SLC6A5: variants seen among roughly 807,000 people sequenced by gnomAD.
The protein encoded by SLC6A5 is solute carrier family 6 member 5.
Under a neutral mutation model 90.5 loss-of-function variants are expected in SLC6A5, and 58 were observed. The observed-to-expected ratio is 0.64, with a 90% CI of 0.52 to 0.80. The LOEUF is 0.80. Ranked by LOEUF, SLC6A5 falls within the 30% of genes least tolerant of loss-of-function variation. The pLI, the probability that SLC6A5 is intolerant of heterozygous loss-of-function variation, is 0.00. For missense variants in SLC6A5, 1,015 were observed against 1,017.6 expected (o/e 1.00, Z 0.03); for synonymous variants, 427 against 401.4 (o/e 1.06, Z -0.76).
chr11:20,624,165 T>A (rs1945780), intron 7 of SLC6A5, among the ~76,000 whole-genome samples: 148,094 of 148,724 alleles, frequency 1, 73,737 homozygotes, highest in Non-Finnish European at 1. Flanking sequence ...ATATATATAT[T>A]TTTTTTGAGA....
intron 3 of SLC6A5, among the ~76,000 whole-genome samples, chr11:20,605,227 A>ACATCTTCTC (rs1339090432): frequency 6.6e-6 from 1 of 152,150 alleles, no homozygotes; most frequent in Non-Finnish European, 1.5e-5. Context: ...GCCCCGTCCC[A>ACATCTTCTC]CATCTTCTCA....
Position 20,601,191 on chromosome 11 carries a change from G to A in SLC6A5, c.66G>A (p.Ala22=), listed in dbSNP as rs557384426. The A allele has an allele frequency of 1.2e-5, 19 of 1,587,352 alleles. No individual in the cohort carries two copies. In the Admixed American group the frequency reaches 2.0e-4, roughly 17 times the overall value. The change falls in exon 2 of 16, where the codon GCG becomes GCA. Residue 22 remains alanine (A), a synonymous_variant. Transcript: ENST00000525748. ...CCAACAGCCCGGAGGCGGCGGCGGC[G>A]CAGGGCCACCCGGATGGCCCATGCG... ...LPANSPEAAA[A]QGHPDGPCAP...
At chr11:20,626,605 C>G (rs1852999184) in intron 7 of SLC6A5, 103 bp from the exon 8 acceptor site, 1 of 1,305,282 alleles carries the variant, frequency 7.7e-7, no homozygotes, top group South Asian at 1.2e-5. Context: ...CTGATGTGCT[C>G]TCTGTCATGC....
At chr11:20,631,390 G>A (rs1037383708) in intron 10 of SLC6A5, among the ~76,000 whole-genome samples, 19 of 152,204 alleles carry the variant, frequency 1.2e-4, no homozygotes, top group African/African-American at 4.3e-4. Context: ...GGTGGGTGGA[G>A]AGGCATGTGG....
intron 9 of SLC6A5, among the ~76,000 whole-genome samples, chr11:20,630,348 C>T (rs990587095): frequency 3.3e-5 from 5 of 152,206 alleles, no homozygotes; most frequent in Admixed American, 1.3e-4. Flanking sequence ...TTTTCTAAAG[C>T]CTCCACCTCT....
At position 20,638,516 on chromosome 11, in the gene SLC6A5, A is replaced by G. The variant is rs2133810809; in HGVS notation, c.1927A>G (p.Ile643Val). The change falls in exon 13 of 16, where the codon ATC (isoleucine) becomes GTC (valine). Residue 643 changes from isoleucine to valine, a missense_variant. Coordinates refer to ENST00000525748, the MANE Select transcript of SLC6A5 (RefSeq NM_004211.5). ...CTATGCTGCCTCCTATGCCCTTGTC[A>G]TCATTGCCATTTTTGAGCTCGTGGG... ...DTYAASYALV[I>V]IAIFELVGIS... is the part of the protein sequence containing the mutation. 1 of 1,613,450 alleles carries G rather than the reference A, an allele frequency of 6.2e-7. No individual in the cohort carries two copies. Among genetic ancestry groups the G allele is most frequent in the Non-Finnish European group, 8.5e-7 (1 of 1,179,418 alleles).
At chr11:20,607,201 T>A in intron 4 of SLC6A5, 63 bp downstream of exon 4, 1 of 1,561,036 alleles carries the variant, frequency 6.4e-7, no homozygotes, top group Admixed American at 1.9e-5. Flanking sequence ...TCTGGCACCA[T>A]GCAGCCCCAG....
chr11:20,603,694 C>A (rs1274234914), intron 2 of SLC6A5, among the ~76,000 whole-genome samples: 1 of 152,186 alleles, frequency 6.6e-6, no homozygotes, highest in African/African-American at 2.4e-5. Flanking sequence ...AATTAGTTGA[C>A]CAGGCAGGTT....
intron 4 of SLC6A5, 120 bp from the exon 5 acceptor site, chr11:20,607,359 G>A (rs1852603749): frequency 6.4e-6 from 8 of 1,245,570 alleles, no homozygotes; most frequent in African/African-American, 1.5e-5. Context: ...AGTCCACTCT[G>A]CTATTAGTGC....
chr11:20,612,650 T>C (rs1852714895), intron 5 of SLC6A5, among the ~76,000 whole-genome samples: 1 of 152,192 alleles, frequency 6.6e-6, no homozygotes, highest in African/African-American at 2.4e-5. Flanking sequence ...CCTGAGTAGT[T>C]AGGACTATAG....
intron 7 of SLC6A5, among the ~76,000 whole-genome samples, chr11:20,625,110 C>T (rs965944477): frequency 3.3e-5 from 5 of 152,040 alleles, no homozygotes; most frequent in Admixed American, 6.6e-5. Flanking sequence ...AGAGCCTGAG[C>T]TCTCACACTG....
chr11:20,653,050 G>A (rs1316785232), intron 15 of SLC6A5, among the ~76,000 whole-genome samples: 1 of 152,170 alleles, frequency 6.6e-6, no homozygotes, highest in Non-Finnish European at 1.5e-5. Context: ...CATCTCTAAT[G>A]TGAAGAATCC....
At chr11:20,625,226 C>A (rs1057039899) in intron 7 of SLC6A5, among the ~76,000 whole-genome samples, 3 of 152,106 alleles carry the variant, frequency 2.0e-5, no homozygotes, top group Admixed American at 6.6e-5. Flanking sequence ...GTTCAACTAA[C>A]CCCCAAGTTC....
chr11:20,636,354 C>T lies in SLC6A5; in HGVS notation c.1672C>T (p.Pro558Ser). The T allele has an allele frequency of 1.2e-6, 2 of 1,614,024 alleles. No individual in the cohort carries two copies. Among genetic ancestry groups the T allele is most frequent in the Non-Finnish European group, 1.7e-6 (2 of 1,179,916 alleles). The stretch of plus-strand genomic sequence containing the variant: ...TTACCCGGAAGCCTTAACCAGGCTG[C>T]CTCTCTCTCCGTTCTGGGCCATCAT... ...VVYPEALTRL[P>S]LSPFWAIIFF... is the part of the protein sequence containing the mutation. Residue 558 changes from proline (P) to serine (S), a missense_variant, in exon 11 of 16, where the codon CCT becomes TCT. This residue lies in a region of SLC6A5 where 442 missense variants were observed against 494.3 expected (regional missense o/e 0.89). Transcript: ENST00000525748.
At chr11:20,633,430 G>C (rs1019933571) in intron 10 of SLC6A5, among the ~76,000 whole-genome samples, 2 of 152,192 alleles carry the variant, frequency 1.3e-5, no homozygotes, top group East Asian at 3.9e-4. Flanking sequence ...TCTGCCCAAA[G>C]GCACAGAGGT....
Position 20,652,397 on chromosome 11 carries a change from A to T in SLC6A5, c.2179A>T (p.Ile727Phe). 1 of 1,614,132 alleles carries T rather than the reference A, an allele frequency of 6.2e-7. No homozygotes were observed. The highest frequency in any genetic ancestry group is 1.3e-5 in the African/African-American group (1 of 75,022). ...LGWLMLACSVIWIPIMFVIKM... is the reference protein window; with the variant it reads ...LGWLMLACSVFWIPIMFVIKM... ...ATGGCTAATGCTCGCCTGTTCCGTC[A>T]TCTGGATCCCAATTATGTTTGTGAT... Residue 727 changes from isoleucine (I) to phenylalanine (F), a missense_variant, in exon 15 of 16, where the codon ATC becomes TTC. By Grantham distance (21) the Ile-to-Phe change is conservative. This residue lies in a region of SLC6A5 where 442 missense variants were observed against 494.3 expected (regional missense o/e 0.89). Transcript: ENST00000525748.
intron 13 of SLC6A5, among the ~76,000 whole-genome samples, chr11:20,642,163 G>A (rs1264082771): frequency 6.7e-6 from 1 of 150,320 alleles, no homozygotes; most frequent in Non-Finnish European, 1.5e-5. Context: ...ATGGTAGCTG[G>A]AGAGCGCTAA....
At position 20,622,077 on chromosome 11, in the gene SLC6A5, C is replaced by T. The variant is rs147417288; in HGVS notation, c.1260+4193C>T. Among the ~76,000 whole-genome samples, 473 of 152,212 alleles carry T rather than the reference C, an allele frequency of 3.1e-3. 4 individuals are homozygous for T. Among genetic ancestry groups the T allele is most frequent in the African/African-American group, 0.011 (447 of 41,518 alleles). On this transcript the variant is annotated intron_variant, in intron 7 of 15. Transcript: ENST00000525748. ...TGTCAGGCCAACAGGCTCAGATGGGCGAGTCAGTGTCACTCCTGCCAAGTG... is the reference window on the plus strand; with the variant it reads ...TGTCAGGCCAACAGGCTCAGATGGGTGAGTCAGTGTCACTCCTGCCAAGTG...
Position 20,637,244 on chromosome 11 carries a change from G to A in SLC6A5, c.1810G>A (p.Val604Met), listed in dbSNP as rs2133809493. 1 of 1,611,952 alleles carries A rather than the reference G, an allele frequency of 6.2e-7. No homozygotes were observed. Among genetic ancestry groups the A allele is most frequent in the Admixed American group, 1.7e-5 (1 of 59,936 alleles). ...CAAGTACCTACGCACACACAAGCCA[G>A]TGTTTACTCTGGGCTGCTGCATTTG... The part of the protein sequence containing the change: ...FPKYLRTHKP[V>M]FTLGCCICFF... Residue 604 changes from valine to methionine, a missense_variant, in exon 12 of 16, where the codon GTG becomes ATG. Transcript: ENST00000525748.
Sources: gnomAD v4.1 joint callset for allele counts (sites outside exome capture counted in the v4.1 genomes callset) on GRCh38, gnomAD v4.1.1 for gene constraint, gnomAD v4.1.1 regional missense constraint, MANE v1.5 for transcripts, NCBI Gene and HGNC (gene_info 2026-07-23, HGNC 2026-07-21) for gene names.